The following COL27A1 variants were observed in gnomAD, a reference collection of about 807,000 sequenced individuals.
COL27A1 encodes collagen type XXVII alpha 1 chain.
A neutral mutation model predicts 251.3 loss-of-function variants in COL27A1; 106 were observed. The ratio of observed to expected loss-of-function variants is 0.42; its 90% CI spans 0.36 to 0.50. The LOEUF (loss-of-function observed/expected upper bound fraction) is 0.50, where lower values mean the gene tolerates loss of function less well. COL27A1 is among the 20% of genes least tolerant of loss of function. COL27A1 has a pLI of 0.00. For synonymous variants in COL27A1, 1,000 were observed against 986.3 expected (o/e 1.01, Z -0.26); for missense variants, 2,325 against 2,522.8 (o/e 0.92, Z 1.68).
In COL27A1 at chr9:114,275,683, C is replaced by A. The variant is rs1267038219; in HGVS notation, c.3632C>A (p.Pro1211His). ...GLKGDRGDPG[P>H]DGEHGEKGQE... ...CAGGGGGACAGGGGAGACCCAGGGC[C>A]TGATGGAGAACATGGCGAGAAAGGC... Residue 1211 changes from proline (P) to histidine (H), a missense_variant, in exon 37 of 61, where the codon CCT (proline) becomes CAT (histidine). Pro to His is a moderately conservative substitution (Grantham distance 77). This residue lies in a region of COL27A1 where 662 missense variants were observed against 795.3 expected (regional missense o/e 0.83). Transcript: ENST00000356083. 1.3e-6 allele frequency: 2 copies of A among 1,550,198 alleles called. No homozygotes were observed. Among genetic ancestry groups the A allele is most frequent in the African/African-American group, 1.4e-5 (1 of 73,178 alleles).
intron 13 of COL27A1, among the ~76,000 whole-genome samples, chr9:114,221,216 GA>G (rs1831088111): frequency 6.6e-6 from 1 of 152,098 alleles, no homozygotes; most frequent in African/African-American, 2.4e-5. Context: ...TTGGAGAAGG[GA>G]ACAGGGAAGT....
At chr9:114,185,230 C>T (rs77404783) in intron 5 of COL27A1, among the ~76,000 whole-genome samples, 4,127 of 152,332 alleles carry the variant, frequency 0.027, 73 homozygotes, top group South Asian at 0.048. Flanking sequence ...ACCATGGACT[C>T]AGGGCCTCAT....
intron 10 of COL27A1, among the ~76,000 whole-genome samples, chr9:114,208,831 C>A (rs945354278): frequency 6.6e-6 from 1 of 151,820 alleles, no homozygotes; most frequent in Admixed American, 6.6e-5. Flanking sequence ...CCAAGGAGAG[C>A]GCTTATGAGA....
At chr9:114,253,372 CGAA>C (rs1833691636) in intron 27 of COL27A1, among the ~76,000 whole-genome samples, 1 of 136,912 alleles carries the variant, frequency 7.3e-6, no homozygotes, top group African/African-American at 2.8e-5. Context: ...GAAAGAAAGA[CGAA>C]AGAAAGAAAG....
At chr9:114,183,892 C>A (rs1401724775) in intron 5 of COL27A1, among the ~76,000 whole-genome samples, 1 of 152,126 alleles carries the variant, frequency 6.6e-6, no homozygotes, top group East Asian at 1.9e-4. Flanking sequence ...TATGGGAACA[C>A]CACTTGCTGA....
Position 114,168,177 on chromosome 9 carries a change from C to G in COL27A1, c.622C>G (p.Gln208Glu). 6.2e-7 allele frequency: 1 copy of G among 1,613,796 alleles called. No homozygotes were observed. Among genetic ancestry groups the G allele is most frequent in the Non-Finnish European group, 8.5e-7 (1 of 1,180,028 alleles). ...LFGKMNPHAV[Q>E]FEGALCQFSI... The stretch of plus-strand genomic sequence containing the variant: ...TGGGAAGATGAACCCGCATGCAGTC[C>G]AGTTTGAAGGTGCTCTCTGCCAGTT... The change falls in exon 3 of 61, where the codon CAG becomes GAG. Residue 208 changes from glutamine (Q) to glutamate (E), a missense_variant. Gln to Glu is a conservative substitution (Grantham distance 29, BLOSUM62 2). Transcript: ENST00000356083.
Position 114,310,829 on chromosome 9 carries a change from T to G in COL27A1, c.*134T>G. On this transcript the variant is annotated 3_prime_UTR_variant, in exon 61 of 61. Coordinates refer to ENST00000356083, the MANE Select transcript of COL27A1 (RefSeq NM_032888.4). The stretch of plus-strand genomic sequence containing the variant: ...GGGTCCTTGGGCAGACCCCAGCTGT[T>G]GTCTGCCCAGTAGAAGTGGGTGGGG... The G allele has an allele frequency of 4.8e-6, 4 of 837,604 alleles. No individual in the cohort carries two copies. Among genetic ancestry groups the G allele is most frequent in the Non-Finnish European group, 7.4e-6 (4 of 543,366 alleles). 51.9% of individuals were successfully genotyped at this position (837,604 alleles called of 1,614,324 possible).
intron 16 of COL27A1, among the ~76,000 whole-genome samples, chr9:114,234,558 A>C (rs753918105): frequency 6.6e-6 from 1 of 152,250 alleles, no homozygotes; most frequent in Middle Eastern, 3.4e-3. Flanking sequence ...CCTAAGGGGA[A>C]GCAGCTCCCA....
intron 14 of COL27A1, among the ~76,000 whole-genome samples, chr9:114,225,921 G>A (rs1319463187): frequency 6.6e-6 from 1 of 152,156 alleles, no homozygotes; most frequent in Non-Finnish European, 1.5e-5. Context: ...GCGAAGCCGA[G>A]GTCACCAGTT....
chr9:114,237,154 C>T, intron 18 of COL27A1, 120 bp downstream of exon 18: 1 of 946,142 alleles, frequency 1.1e-6, no homozygotes, highest in Non-Finnish European at 1.6e-6. Flanking sequence ...CTCCTGGGGG[C>T]AAGCAGGGCA....
At chr9:114,166,444 TATCCATCCATCCATCC>T in intron 2 of COL27A1, among the ~76,000 whole-genome samples, 2 of 140,954 alleles carry the variant, frequency 1.4e-5, no homozygotes, top group South Asian at 2.3e-4. Flanking sequence ...TCCATTCATC[TATCCATCCATCCATCC>T]ATCCATCCAT....
chr9:114,265,529 G>A (rs1412383029), intron 32 of COL27A1, 54 bp downstream of exon 32: 3 of 1,549,504 alleles, frequency 1.9e-6, no homozygotes, highest in African/African-American at 2.7e-5. Context: ...ACCTGGGGGT[G>A]TGGGCCAGGT....
At position 114,310,245 on chromosome 9, in the gene COL27A1, A is replaced by T. The variant is rs570804683; in HGVS notation, c.5437-304A>T. Among the ~76,000 whole-genome samples the T allele has an allele frequency of 3.0e-4, 45 of 152,070 alleles. 1 individual carries two copies. The East Asian group carries it at 3.1e-3, about 10-fold the overall frequency. On this transcript the variant is annotated intron_variant, in intron 60 of 60. Coordinates refer to ENST00000356083, the MANE Select transcript of COL27A1 (RefSeq NM_032888.4). ...AACTTATTGAAAAAATAAATTAAAAAATATATATATATGTATATGAGATGT... is the reference window on the plus strand; with the variant it reads ...AACTTATTGAAAAAATAAATTAAAATATATATATATATGTATATGAGATGT...
chr9:114,219,379 C>A (rs1351319892), intron 12 of COL27A1, among the ~76,000 whole-genome samples: 1 of 152,202 alleles, frequency 6.6e-6, no homozygotes, highest in Non-Finnish European at 1.5e-5. Context: ...GTGCCACAAT[C>A]AGAGAAGGTC....
At chr9:114,163,382 A>G (rs1402030425) in intron 2 of COL27A1, among the ~76,000 whole-genome samples, 1 of 151,052 alleles carries the variant, frequency 6.6e-6, no homozygotes, top group Non-Finnish European at 1.5e-5. Context: ...CTGTTTGTCC[A>G]ATGAGTGCTC....
intron 37 of COL27A1, among the ~76,000 whole-genome samples, chr9:114,280,663 G>A (rs1168499452): frequency 6.6e-6 from 1 of 152,204 alleles, no homozygotes; most frequent in Non-Finnish European, 1.5e-5. Flanking sequence ...AGAAAGAGCA[G>A]GATTTGTCCA....
Position 114,169,514 on chromosome 9 carries a change from G to A in COL27A1, c.1908+51G>A, listed in dbSNP as rs746539399. On this transcript the variant is annotated intron_variant, in intron 3 of 60. Transcript: ENST00000356083. ...TGCTTGGAGCTCCAGTGGGGGACTG[G>A]GGCATTGGTCAAGTGGTTGCCCCTA... is the stretch of plus-strand genomic sequence containing the variant. 5.0e-6 allele frequency: 7 copies of A among 1,411,786 alleles called. No individual in the cohort carries two copies. The African/African-American group carries it at 7.2e-5, about 14-fold the overall frequency. The allele number at this position is 1,411,786 out of a possible 1,614,324, so 87.5% of individuals were successfully genotyped here.
At chr9:114,262,685 A>T (rs868352153) in intron 28 of COL27A1, among the ~76,000 whole-genome samples, 3 of 152,362 alleles carry the variant, frequency 2.0e-5, no homozygotes, top group Middle Eastern at 6.8e-3. Flanking sequence ...CCCCAGACAC[A>T]TTTCCTGAGC....
chr9:114,206,998 A>C (rs1311620671), intron 10 of COL27A1, among the ~76,000 whole-genome samples: 1 of 152,190 alleles, frequency 6.6e-6, no homozygotes, highest in African/African-American at 2.4e-5. Context: ...ATGTGGTGGA[A>C]TCGTTTCTTT....
Sources: allele counts gnomAD v4.1 joint callset (sites outside exome capture counted in the v4.1 genomes callset), GRCh38; gene constraint gnomAD v4.1.1; regional missense constraint gnomAD v4.1.1; transcripts MANE v1.5; gene names NCBI Gene and HGNC (gene_info 2026-07-23, HGNC 2026-07-21).